LAMA5: variants seen among roughly 807,000 people sequenced by gnomAD.
LAMA5 encodes the protein laminin subunit alpha 5.
LAMA5 carries 260 observed loss-of-function variants against 433.4 expected under a neutral mutation model. That is an observed-to-expected ratio of 0.60 (90% CI 0.54 to 0.66). LAMA5 has a LOEUF of 0.66. LAMA5 is among the 30% of genes least tolerant of loss of function. LAMA5 has a pLI of 0.00. For synonymous variants in LAMA5, 2,620 were observed against 2,226.6 expected (o/e 1.18, Z -4.97); for missense variants, 5,378 against 5,258.5 (o/e 1.02, Z -0.70).
At chr20:62,319,049 C>G (rs1186425267) in intron 51 of LAMA5, 36 bp from the exon 52 acceptor site, 8 of 1,499,442 alleles carry the variant, frequency 5.3e-6, no homozygotes, top group East Asian at 2.4e-5. Flanking sequence ...CTGGGGCCGC[C>G]CGTACTAGTG....
intron 50 of LAMA5, 93 bp downstream of exon 50, chr20:62,320,466 G>A (rs1568914869): frequency 2.1e-6 from 2 of 930,768 alleles, no homozygotes; most frequent in Non-Finnish European, 1.7e-6. Context: ...CATGTACGAG[G>A]CATGAAGTAA....
At chr20:62,327,173 C>A in intron 38 of LAMA5, 60 bp downstream of exon 38, 16 of 1,426,908 alleles carry the variant, frequency 1.1e-5, no homozygotes, top group Non-Finnish European at 1.5e-5. Flanking sequence ...TGGCTCCCAA[C>A]CCTCTCAGGC....
chr20:62,333,847 G>GTGGGC (rs1555879217), intron 23 of LAMA5, 54 bp downstream of exon 23: 1 of 1,471,756 alleles, frequency 6.8e-7, no homozygotes, highest in Non-Finnish European at 9.2e-7. Context: ...GTGGGGTGGG[G>GTGGGC]TGGGGTGGGC....
rs764775300 is a variant in LAMA5 at position 62,324,547 on chromosome 20, G to A, written c.5537C>T (p.Ala1846Val). The change falls in exon 42 of 80, where the codon GCC (alanine) becomes GTC (valine). Residue 1846 changes from alanine to valine, a missense_variant. Transcript: ENST00000252999. The surrounding 1 kb of genome is among the most constrained non-coding windows in gnomAD (Gnocchi z 4.4). ...SYRGDSCQEC[A>V]PGFYRDVKGL... Reference sequence around the variant, plus strand: ...TTTGACGTCCCGATAGAAGCCGGGGGCACATTCCTGAGGGTGTACGGGGGC... The same window carrying A: ...TTTGACGTCCCGATAGAAGCCGGGGACACATTCCTGAGGGTGTACGGGGGC... The A allele has an allele frequency of 9.9e-6, 16 of 1,610,158 alleles. No homozygotes were observed. The highest frequency in any genetic ancestry group is 2.2e-5 in the East Asian group (1 of 44,818).
intron 58 of LAMA5, 58 bp from the exon 59 acceptor site, chr20:62,315,265 G>A (rs1164792341): frequency 4.2e-6 from 6 of 1,442,096 alleles, no homozygotes; most frequent in Non-Finnish European, 5.6e-6. Context: ...CTGGCTTCAT[G>A]TCCCCAAGTC....
rs746957076 is a variant in LAMA5, at chr20:62,338,058, C to T, written c.1849G>A (p.Asp617Asn). 1.8e-5 allele frequency: 29 copies of T among 1,604,778 alleles called. No individual in the cohort carries two copies. In the Admixed American group the frequency reaches 4.9e-4, roughly 27 times the overall value. The change falls in exon 14 of 80, where the codon GAC (aspartate) becomes AAC (asparagine). Residue 617 changes from aspartate to asparagine, a missense_variant. Asp to Asn is a conservative substitution (Grantham distance 23, BLOSUM62 1). Transcript: ENST00000252999. ...CQPEFAGPHC[D>N]RCRPGYHGFP... ...CCATGGTAGCCAGGGCGGCACCGGT[C>T]ACAATGAGGTCCAGCAAACTCAGGC... is the stretch of plus-strand genomic sequence containing the variant.
Position 62,335,229 on chromosome 20 carries a change from A to T in LAMA5, c.2364T>A (p.Ala788=), listed in dbSNP as rs780375905. 4.3e-6 allele frequency: 7 copies of T among 1,612,662 alleles called. No individual in the cohort carries two copies. Among genetic ancestry groups the T allele is most frequent in the Non-Finnish European group, 5.9e-6 (7 of 1,179,562 alleles). Residue 788 remains alanine (A), a synonymous_variant, in exon 19 of 80, where the codon GCT becomes GCA. Coordinates refer to ENST00000252999, the MANE Select transcript of LAMA5 (RefSeq NM_005560.6). ...CDLRGTLGGV[A]ECQPGTGQCF... ...TCCTCAGACTCACCGGCTGGCACTCAGCAACTCCACCCAGTGTGCCCCTGA... is the reference window on the plus strand; with the variant it reads ...TCCTCAGACTCACCGGCTGGCACTCTGCAACTCCACCCAGTGTGCCCCTGA...
rs1341633171 is a variant in LAMA5, at chr20:62,342,796, T to C, written c.1477+3022A>G. 3.9e-5 allele frequency among the ~76,000 whole-genome samples: 6 copies of C among 152,254 alleles called. No individual in the cohort carries two copies. In the East Asian group the frequency reaches 1.2e-3, roughly 29 times the overall value. On this transcript the variant is annotated intron_variant, in intron 11 of 79. Coordinates refer to ENST00000252999, the MANE Select transcript of LAMA5 (RefSeq NM_005560.6). ...ATAATTTCTGTGATTTTTAAACTGA[T>C]TGGGAGCATAAAAAAGTGTGGATGA...
In LAMA5 at chr20:62,351,709, C is replaced by A. The variant is rs376308036; in HGVS notation, c.951G>T (p.Pro317=). The A allele has an allele frequency of 6.2e-7, 1 of 1,611,164 alleles. No homozygotes were observed. Among genetic ancestry groups the A allele is most frequent in the Admixed American group, 1.7e-5 (1 of 59,892 alleles). ...TCACCTGAATGGGGCCTCACCTGAA[C>A]GGGTCCGTGGGGTCTTTGGCATCGC... The part of the protein sequence containing the change: ...DACDAKDPTD[P]FRLQCTCQHN... The change falls in exon 6 of 80, where the codon CCG becomes CCT. Residue 317 remains proline (P), a synonymous_variant. Coordinates refer to ENST00000252999, the MANE Select transcript of LAMA5 (RefSeq NM_005560.6).
rs1053640499 is a variant in LAMA5 at position 62,309,194 on chromosome 20, G to A, written c.*142C>T. ...TGCAGTATTTTATTCTTTCGTTTAAGAAGCTATAACTTAAACCATCTTCAG... is the reference window on the plus strand; with the variant it reads ...TGCAGTATTTTATTCTTTCGTTTAAAAAGCTATAACTTAAACCATCTTCAG... On this transcript the variant is annotated 3_prime_UTR_variant, in exon 80 of 80. Transcript: ENST00000252999. The A allele has an allele frequency of 1.2e-6, 1 of 826,458 alleles. No individual in the cohort carries two copies. Among genetic ancestry groups the A allele is most frequent in the Middle Eastern group, 3.8e-4 (1 of 2,662 alleles). 51.2% of individuals were successfully genotyped at this position (826,458 alleles called of 1,614,324 possible).
At chr20:62,329,455 G>A (rs1402846213) in intron 32 of LAMA5, among the ~76,000 whole-genome samples, 1 of 152,204 alleles carries the variant, frequency 6.6e-6, no homozygotes, top group African/African-American at 2.4e-5. Context: ...GGCATGAGGA[G>A]GCAGCAGCAT....
At chr20:62,309,503 G>A in intron 79 of LAMA5, 28 bp from the exon 80 acceptor site, 2 of 1,546,094 alleles carry the variant, frequency 1.3e-6, no homozygotes, top group Non-Finnish European at 1.7e-6. Flanking sequence ...ATGGAAGAAG[G>A]CTGGTTGGTG....
intron 38 of LAMA5, 59 bp downstream of exon 38, chr20:62,327,174 C>T: frequency 1.4e-6 from 2 of 1,428,946 alleles, no homozygotes; most frequent in South Asian, 1.5e-5. Flanking sequence ...GGCTCCCAAC[C>T]CTCTCAGGCG....
chr20:62,317,743 G>A lies in LAMA5; in HGVS notation c.7275C>T (p.Thr2425=), dbSNP rs765798880. 2.2e-5 allele frequency: 35 copies of A among 1,607,476 alleles called. No individual in the cohort carries two copies. Among genetic ancestry groups the A allele is most frequent in the Non-Finnish European group, 2.3e-5 (27 of 1,177,876 alleles). ...RKQELSRDNA[T]LQATLHAARD... Reference sequence around the variant, plus strand: ...TAGCCGCATGCAGAGTGGCCTGCAGGGTGGCATTGTCCCGGGACAGCTCCT... The same window carrying A: ...TAGCCGCATGCAGAGTGGCCTGCAGAGTGGCATTGTCCCGGGACAGCTCCT... The change falls in exon 54 of 80, where the codon ACC becomes ACT. Residue 2425 remains threonine, a synonymous_variant. Coordinates refer to ENST00000252999, the MANE Select transcript of LAMA5 (RefSeq NM_005560.6).
rs202190094 is a variant in LAMA5 at position 62,316,726 on chromosome 20, G to A, written c.7701C>T (p.Ala2567=). 100 of 1,609,654 alleles carry A rather than the reference G, an allele frequency of 6.2e-5. 1 individual carries two copies. In the South Asian group the frequency reaches 1.1e-3, roughly 17 times the overall value. ...GLVDRAQQLL[A]NSTALEEAML... is the part of the protein sequence containing the mutation. ...TGGCCTCTTCTAGTGCAGTGCTGTT[G>A]GCCAGGAGCTGCTGGGCTCGGTCCA... The change falls in exon 57 of 80, where the codon GCC becomes GCT. Residue 2567 remains alanine, a synonymous_variant. Coordinates refer to ENST00000252999, the MANE Select transcript of LAMA5 (RefSeq NM_005560.6).
chr20:62,338,225 C>T lies in LAMA5; in HGVS notation c.1756+7G>A, dbSNP rs769110671. 1.9e-6 allele frequency: 3 copies of T among 1,589,002 alleles called. No homozygotes were observed. Among genetic ancestry groups the T allele is most frequent in the Non-Finnish European group, 2.6e-6 (3 of 1,165,876 alleles). On this transcript the variant is annotated splice_region_variant and intron_variant, in intron 13 of 79. Transcript: ENST00000252999. ...TACCCACGCCCACGTGGAGAGGCACCACTCACACTGGCAGAGAGGGAAGTG... is the reference window on the plus strand; with the variant it reads ...TACCCACGCCCACGTGGAGAGGCACTACTCACACTGGCAGAGAGGGAAGTG...
At chr20:62,362,749 A>G (rs1189711469) in intron 1 of LAMA5, among the ~76,000 whole-genome samples, 197 bp from the exon 2 acceptor site, 1 of 152,004 alleles carries the variant, frequency 6.6e-6, no homozygotes. Flanking sequence ...GATGTGGCTC[A>G]TGTGAGCTGC....
chr20:62,318,842 C>G lies in LAMA5; in HGVS notation c.7042+1G>C. ...CGCCTGCCAGGGACAACACCACTCA[C>G]ATCTCTGTGCTGCAGCCAACTCAGC... On this transcript the variant is annotated splice_donor_variant, in intron 52 of 79. Coordinates refer to ENST00000252999, the MANE Select transcript of LAMA5 (RefSeq NM_005560.6). LOFTEE classifies it high-confidence loss of function. The G allele has an allele frequency of 6.2e-7, 1 of 1,610,148 alleles. No individual in the cohort carries two copies. Among genetic ancestry groups the G allele is most frequent in the Non-Finnish European group, 8.5e-7 (1 of 1,179,286 alleles).
At position 62,334,572 on chromosome 20, in the gene LAMA5, C is replaced by T. The variant is rs1219324250; in HGVS notation, c.2532G>A (p.Arg844=). Residue 844 remains arginine, a synonymous_variant, in exon 21 of 80, where the codon AGG becomes AGA. Transcript: ENST00000252999. The part of the protein sequence containing the change: ...GGALGQSCEP[R]TGVCRCRPNT... ...TGGGGCGGCACCGGCAGACGCCCGT[C>T]CTCGGTTCACAGCTCTGGCCCAGTG... 6.5e-7 allele frequency: 1 copy of T among 1,548,544 alleles called. No individual in the cohort carries two copies. The highest frequency in any genetic ancestry group is 1.4e-5 in the African/African-American group (1 of 73,156).
Sources: gnomAD v4.1 joint callset for allele counts (sites outside exome capture counted in the v4.1 genomes callset) on GRCh38, gnomAD v4.1.1 for gene constraint, Gnocchi (gnomAD v3.1) non-coding constraint, MANE v1.5 for transcripts, NCBI Gene and HGNC (gene_info 2026-07-23, HGNC 2026-07-21) for gene names.